The following ADCK5 variants were observed in gnomAD, a reference collection of about 807,000 sequenced individuals.
ADCK5 encodes the protein aarF domain containing kinase 5.
ADCK5 carries 43 observed loss-of-function variants against 64.9 expected under a neutral mutation model. The ratio of observed to expected loss-of-function variants is 0.66; its 90% CI spans 0.52 to 0.85. The LOEUF is 0.85. ADCK5 is among the 40% of genes least tolerant of loss of function. The pLI, the probability that ADCK5 is intolerant of heterozygous loss-of-function variation, is 0.00. For missense variants in ADCK5, 760 were observed against 810.5 expected, an observed-to-expected ratio of 0.94 and a Z score of 0.76; for synonymous variants, 434 against 342.8, an observed-to-expected ratio of 1.27 and a Z score of -2.94.
rs782426516 is a variant in ADCK5 at position 144,379,480 on chromosome 8, C to G, written c.106C>G (p.Leu36Val). The change falls in exon 2 of 15, where the codon CTT (leucine) becomes GTT (valine). Residue 36 changes from leucine (L) to valine (V), a missense_variant. By Grantham distance (32) the Leu-to-Val change is conservative. This residue lies in a region of ADCK5 where 427 missense variants were observed against 518.4 expected (regional missense o/e 0.82). Coordinates refer to ENST00000308860, the MANE Select transcript of ADCK5 (RefSeq NM_174922.5). Reference sequence around the variant, plus strand: ...GTTCTTCAGGAGAAACGTCAGGGGCCTTCCTCCAAGGTAACGAGTCCTCCA... The same window carrying G: ...GTTCTTCAGGAGAAACGTCAGGGGCGTTCCTCCAAGGTAACGAGTCCTCCA... ...AVFFRRNVRG[L>V]PPRFSSPTPL... is the part of the protein sequence containing the mutation. 1.2e-6 allele frequency: 2 copies of G among 1,602,262 alleles called. No homozygotes were observed. The highest frequency in any genetic ancestry group is 1.7e-5 in the Admixed American group (1 of 59,216).
rs1292686499 is a variant in ADCK5, at chr8:144,385,954, T to A, written c.266+2724T>A. Among the ~76,000 whole-genome samples the A allele has an allele frequency of 2.0e-5, 3 of 150,938 alleles. No individual in the cohort carries two copies. The East Asian group carries it at 5.9e-4, about 30-fold the overall frequency. Reference sequence around the variant, plus strand: ...ACTCTAGCCTGGGTGACAGAGCGACTCTCTGTCTCAAAAAAAAAAAAAATC... The same window carrying A: ...ACTCTAGCCTGGGTGACAGAGCGACACTCTGTCTCAAAAAAAAAAAAAATC... On this transcript the variant is annotated intron_variant, in intron 3 of 14. Coordinates refer to ENST00000308860, the MANE Select transcript of ADCK5 (RefSeq NM_174922.5).
intron 2 of ADCK5, 131 bp downstream of exon 2, chr8:144,379,621 T>G: frequency 1.3e-6 from 1 of 767,086 alleles, no homozygotes. Flanking sequence ...GCAGGATATG[T>G]TTGCTCCTCA....
chr8:144,393,091 G>A lies in ADCK5; in HGVS notation c.*17G>A, dbSNP rs1209500369. 3.3e-6 allele frequency: 5 copies of A among 1,537,906 alleles called. No individual in the cohort carries two copies. The highest frequency in any genetic ancestry group is 4.4e-6 in the Non-Finnish European group (5 of 1,146,550). On this transcript the variant is annotated 3_prime_UTR_variant, in exon 15 of 15. Transcript: ENST00000308860. ...GAGACCTAGGGTGCAGCCGCCCAGG[G>A]CCGGCGGGGCCCTTTTCACCTTGGG...
intron 1 of ADCK5, among the ~76,000 whole-genome samples, chr8:144,375,093 G>A (rs1420039431): frequency 6.6e-6 from 1 of 152,268 alleles, no homozygotes; most frequent in Non-Finnish European, 1.5e-5. Context: ...ACCCCAGGGT[G>A]CTTCATGGGC....
intron 1 of ADCK5, 36 bp from the exon 2 acceptor site, chr8:144,379,351 C>A: frequency 6.6e-7 from 1 of 1,522,806 alleles, no homozygotes; most frequent in Non-Finnish European, 9.0e-7. Context: ...CGTGTCCTGG[C>A]CTCGTTCGAC....
rs1407464874 is a variant in ADCK5 at position 144,382,018 on chromosome 8, G to A, written c.117-1063G>A. ...CCTGCTGCACTCAGGATTATGGGCC[G>A]GGTGTAGAAACAGATGTGTGCTCAG... On this transcript the variant is annotated intron_variant, in intron 2 of 14. Coordinates refer to ENST00000308860, the MANE Select transcript of ADCK5 (RefSeq NM_174922.5). Among the ~76,000 whole-genome samples, 6 of 129,326 alleles carry A rather than the reference G, an allele frequency of 4.6e-5. No individual in the cohort carries two copies. In the South Asian group the frequency reaches 9.8e-4, roughly 21 times the overall value. The allele number at this position is 129,326 out of a possible 152,430, so 84.8% of individuals were successfully genotyped here. A position where few individuals can be genotyped will look rare whatever the true frequency, so the allele number is the denominator to read the frequency against.
At position 144,379,448 on chromosome 8, in the gene ADCK5, C is replaced by T; in HGVS notation, c.74C>T (p.Pro25Leu). ...LHSRQKPWPS[P>L]AVFFRRNVRG... ...AGCAGGCAGAAGCCCTGGCCGTCCC[C>T]TGCTGTGTTCTTCAGGAGAAACGTC... is the stretch of plus-strand genomic sequence containing the variant. Residue 25 changes from proline to leucine, a missense_variant, in exon 2 of 15, where the codon CCT becomes CTT. Pro to Leu is a moderately conservative substitution (Grantham distance 98). Coordinates refer to ENST00000308860, the MANE Select transcript of ADCK5 (RefSeq NM_174922.5). 6.2e-7 allele frequency: 1 copy of T among 1,610,300 alleles called. No homozygotes were observed. Among genetic ancestry groups the T allele is most frequent in the Non-Finnish European group, 8.5e-7 (1 of 1,177,996 alleles).
chr8:144,387,458 T>C (rs1211282948), intron 3 of ADCK5, among the ~76,000 whole-genome samples: 1 of 152,098 alleles, frequency 6.6e-6, no homozygotes, highest in Non-Finnish European at 1.5e-5. Flanking sequence ...TGGAGTACAG[T>C]GGCAACATCT....
intron 2 of ADCK5, among the ~76,000 whole-genome samples, chr8:144,380,324 C>T (rs78371337): frequency 2.9e-5 from 4 of 139,332 alleles, no homozygotes; most frequent in African/African-American, 8.2e-5. Context: ...AGGCACCTCC[C>T]GCAGTCAGAA....
chr8:144,385,049 A>G (rs1162308729), intron 3 of ADCK5, among the ~76,000 whole-genome samples: 4 of 152,156 alleles, frequency 2.6e-5, no homozygotes, highest in Non-Finnish European at 5.9e-5. Flanking sequence ...CCAGTGCACC[A>G]TGAGAAAAGG....
In ADCK5 at chr8:144,374,104, A is replaced by T. The variant is rs200435576; in HGVS notation, c.9A>T (p.Arg3=). MW[R]PVQLCHFHSA... ...CGGAGCAGTGGTCGGAGATGTGGCG[A>T]CCGGTGAGGACTCTCCCGGCCCGGG... The change falls in exon 1 of 15, where the codon CGA becomes CGT. Residue 3 remains arginine, a synonymous_variant. Transcript: ENST00000308860. 1.2e-4 allele frequency: 144 copies of T among 1,248,438 alleles called. 1 individual carries two copies. The East Asian group carries it at 3.3e-3, about 29-fold the overall frequency. The allele number at this position is 1,248,438 out of a possible 1,614,324, so 77.3% of individuals were successfully genotyped here.
chr8:144,386,069 C>G (rs1324831114), intron 3 of ADCK5, among the ~76,000 whole-genome samples: 1 of 147,146 alleles, frequency 6.8e-6, no homozygotes, highest in Non-Finnish European at 1.5e-5. Context: ...AGTGCAGTGG[C>G]TTCGTCTCAG....
At position 144,393,088 on chromosome 8, in the gene ADCK5, AGGGCCGGCG is replaced by A. The variant is rs782116938; in HGVS notation, c.*20_*28del. On this transcript the variant is annotated 3_prime_UTR_variant, in exon 15 of 15. Coordinates refer to ENST00000308860, the MANE Select transcript of ADCK5 (RefSeq NM_174922.5). The stretch of plus-strand genomic sequence containing the variant: ...CTGGAGACCTAGGGTGCAGCCGCCC[AGGGCCGGCG>A]GGGCCCTTTTCACCTTGGGCTGACG... 9.7e-6 allele frequency: 15 copies of A among 1,542,238 alleles called. No individual in the cohort carries two copies. The highest frequency in any genetic ancestry group is 1.2e-5 in the South Asian group (1 of 83,158).
At chr8:144,389,831 CT>C (rs1240504555) in intron 3 of ADCK5, among the ~76,000 whole-genome samples, 294 of 135,914 alleles carry the variant, frequency 2.2e-3, no homozygotes, top group Middle Eastern at 4.5e-3. Context: ...AGCCCAGCCT[CT>C]TTTTTTTTTT....
At chr8:144,381,016 A>G (rs1251033525) in intron 2 of ADCK5, among the ~76,000 whole-genome samples, 65 of 151,850 alleles carry the variant, frequency 4.3e-4, no homozygotes, top group African/African-American at 1.5e-3. Flanking sequence ...ATGTGTGCTC[A>G]GGCACCTCCC....
rs1342516201 is a variant in ADCK5 at position 144,376,547 on chromosome 8, A to G, written c.12+2440A>G. 2.6e-5 allele frequency among the ~76,000 whole-genome samples: 4 copies of G among 152,176 alleles called. No homozygotes were observed. Among genetic ancestry groups the G allele is most frequent in the Admixed American group, 6.5e-5 (1 of 15,276 alleles). On this transcript the variant is annotated intron_variant, in intron 1 of 14. Transcript: ENST00000308860. The surrounding 1 kb of genome is among the most constrained non-coding windows in gnomAD (Gnocchi z 5.1). ...CTGCAATGCTGGTTCCTGAGGAAAG[A>G]GCAGAAAACTGTTGTTGGAGACAGC...
chr8:144,376,089 G>T lies in ADCK5; in HGVS notation c.12+1982G>T, dbSNP rs1490998293. Among the ~76,000 whole-genome samples the T allele has an allele frequency of 1.3e-5, 2 of 152,230 alleles. No homozygotes were observed. The highest frequency in any genetic ancestry group is 2.9e-5 in the Non-Finnish European group (2 of 68,038). Reference sequence around the variant, plus strand: ...CCTGTGTGATGGGAATTTCAGAGAGGATAGTCTGGGTGTGCTGGGCGCTCC... The same window carrying T: ...CCTGTGTGATGGGAATTTCAGAGAGTATAGTCTGGGTGTGCTGGGCGCTCC... On this transcript the variant is annotated intron_variant, in intron 1 of 14. Transcript: ENST00000308860. The surrounding 1 kb of genome is among the most constrained non-coding windows in gnomAD (Gnocchi z 5.1).
Position 144,392,430 on chromosome 8 carries a change from T to TCCCTCCCTCCCC in ADCK5, c.1268-14_1268-3dup. On this transcript the variant is annotated splice_polypyrimidine_tract_variant and intron_variant, in intron 12 of 14. Transcript: ENST00000308860. ...ACTCAGAGCCCCCTCCCTCCCTCCC[T>TCCCTCCCTCCCC]CCCTCCCTCCCCAGACTACCTCCTG... The TCCCTCCCTCCCC allele has an allele frequency of 1.7e-5, 4 of 237,560 alleles. No individual in the cohort carries two copies. Among genetic ancestry groups the TCCCTCCCTCCCC allele is most frequent in the East Asian group, 1.2e-4 (1 of 8,152 alleles). The allele number at this position is 237,560 out of a possible 1,614,324, so 14.7% of individuals were successfully genotyped here.
In ADCK5 at chr8:144,391,954, T is replaced by C. The variant is rs1432978096; in HGVS notation, c.1028T>C (p.Leu343Pro). Residue 343 changes from leucine to proline, a missense_variant, in exon 10 of 15, where the codon CTC (leucine) becomes CCC (proline). This residue lies in a region of ADCK5 where 427 missense variants were observed against 518.4 expected (regional missense o/e 0.82). Transcript: ENST00000308860. ...TCCTCTCCCCAGATAGCAGAAAAGC[T>C]CATCAAGGCCTTTGCTGAGCAGATA... is the stretch of plus-strand genomic sequence containing the variant. ...GLAVHDIAEK[L>P]IKAFAEQIFY... 1 of 1,612,266 alleles carries C rather than the reference T, an allele frequency of 6.2e-7. No individual in the cohort carries two copies. The highest frequency in any genetic ancestry group is 8.5e-7 in the Non-Finnish European group (1 of 1,179,938).
Sources: gnomAD v4.1 joint callset for allele counts (sites outside exome capture counted in the v4.1 genomes callset) on GRCh38, gnomAD v4.1.1 for gene constraint, gnomAD v4.1.1 regional missense constraint, Gnocchi (gnomAD v3.1) non-coding constraint, MANE v1.5 for transcripts, NCBI Gene and HGNC (gene_info 2026-07-23, HGNC 2026-07-21) for gene names.